The following ANKMY1 variants were observed in gnomAD, a reference collection of about 807,000 sequenced individuals.
ANKMY1 encodes the protein ankyrin repeat and MYND domain-containing protein 1.
A neutral mutation model predicts 102.0 loss-of-function variants in ANKMY1; 98 were observed. The observed-to-expected ratio is 0.96, with a 90% CI of 0.82 to 1.14. The LOEUF is 1.14. ANKMY1 is among the 50% of genes most tolerant of loss of function. The probability of loss-of-function intolerance (pLI) is 0.00; values close to 1 mark genes in which losing one functional copy is unlikely to be tolerated. For missense variants in ANKMY1, 1,330 were observed against 1,347.6 expected (o/e 0.99, Z 0.20); for synonymous variants, 582 against 559.9 (o/e 1.04, Z -0.56).
intron 15 of ANKMY1, among the ~76,000 whole-genome samples, chr2:240,489,986 T>C: frequency 6.6e-6 from 1 of 152,186 alleles, no homozygotes; most frequent in African/African-American, 2.4e-5. Flanking sequence ...CCATTCAATC[T>C]TGGTAGACTC....
upstream of ANKMY1, among the ~76,000 whole-genome samples, chr2:240,559,306 G>C (rs1435251440): frequency 2.6e-5 from 4 of 152,204 alleles, no homozygotes; most frequent in Non-Finnish European, 5.9e-5. Context: ...AGGAGGAGGA[G>C]GGACTTCAGG....
chr2:240,522,130 A>C (rs2082425224), intron 8 of ANKMY1: 1 of 143,556 alleles, frequency 7.0e-6, no homozygotes, highest in African/African-American at 2.5e-5. Flanking sequence ...ATTTTACAGA[A>C]CGCTGATTGG....
chr2:240,536,806 T>C (rs946358539), intron 4 of ANKMY1, among the ~76,000 whole-genome samples: 4 of 152,258 alleles, frequency 2.6e-5, no homozygotes, highest in African/African-American at 7.2e-5. Context: ...ATAATATTTA[T>C]TGAATGCAGC....
At chr2:240,545,922 T>C (rs998224138) in intron 4 of ANKMY1, among the ~76,000 whole-genome samples, 6 of 152,182 alleles carry the variant, frequency 3.9e-5, no homozygotes, top group African/African-American at 7.2e-5. Context: ...TGGAACCAAA[T>C]TGGAAAACAC....
At chr2:240,481,754 G>A (rs1469289179) in intron 16 of ANKMY1, among the ~76,000 whole-genome samples, 2 of 152,206 alleles carry the variant, frequency 1.3e-5, no homozygotes, top group Non-Finnish European at 2.9e-5. Flanking sequence ...GTGGTGGAGG[G>A]AGGGGCTAGG....
At chr2:240,549,669 G>GA (rs2091149147) in intron 4 of ANKMY1, among the ~76,000 whole-genome samples, 2 of 151,974 alleles carry the variant, frequency 1.3e-5, no homozygotes, top group Non-Finnish European at 1.5e-5. Context: ...AAATTTACAA[G>GA]AAAAAAACAA....
chr2:240,516,839 C>G (rs1038094859), intron 9 of ANKMY1, among the ~76,000 whole-genome samples: 14 of 152,202 alleles, frequency 9.2e-5, no homozygotes, highest in African/African-American at 3.4e-4. Context: ...CAGTGTGAAG[C>G]AAAGCAGGAG....
In ANKMY1 at chr2:240,496,944, A is replaced by G. The variant is rs1181218323; in HGVS notation, c.2806+3014T>C. On this transcript the variant is annotated intron_variant, in intron 15 of 17. Coordinates refer to ENST00000401804, the MANE Select transcript of ANKMY1 (RefSeq NM_001282771.3). ...TTTTTCTCTGGCATAATTTATAGTT[A>G]ATACAAACCATGGTATATAATTGCT... 2.0e-5 allele frequency among the ~76,000 whole-genome samples: 3 copies of G among 152,240 alleles called. No individual in the cohort carries two copies. The East Asian group carries it at 5.8e-4, about 29-fold the overall frequency.
rs1433491254 is a variant in ANKMY1 at position 240,529,075 on chromosome 2, A to T, written c.915T>A (p.Pro305=). Residue 305 remains proline (P), a synonymous_variant, in exon 5 of 18, where the codon CCT becomes CCA. Transcript: ENST00000401804. The surrounding 1 kb of genome is among the most constrained non-coding windows in gnomAD (Gnocchi z 4.2). ...GEPWFIINET[P]LLVKIQKQTY... ...TTTGCTTCTGGATTTTGACCAACAA[A>T]GGGGTCTCATTGATTATGAACCATG... 3 of 1,614,186 alleles carry T rather than the reference A, an allele frequency of 1.9e-6. No individual in the cohort carries two copies. In the South Asian group the frequency reaches 3.3e-5, roughly 18 times the overall value.
At chr2:240,492,669 T>C (rs2076784280) in intron 15 of ANKMY1, among the ~76,000 whole-genome samples, 1 of 152,210 alleles carries the variant, frequency 6.6e-6, no homozygotes, top group Non-Finnish European at 1.5e-5. Flanking sequence ...CTATTTCAGG[T>C]CCTTTTAAAA....
At position 240,500,082 on chromosome 2, in the gene ANKMY1, T is replaced by C; in HGVS notation, c.2682A>G (p.Pro894=). 1 of 1,610,774 alleles carries C rather than the reference T, an allele frequency of 6.2e-7. No individual in the cohort carries two copies. Residue 894 remains proline (P), a synonymous_variant, in exon 15 of 18, where the codon CCA becomes CCG. Transcript: ENST00000401804. ...IARCPFHTLM[P]AERETFLARK... ...GCGCCAGGAACGTCTCGCGCTCTGC[T>C]GGCATCAGCGTGTGGAAGGGGCAGC... is the stretch of plus-strand genomic sequence containing the variant.
chr2:240,519,105 A>G (rs778796015), intron 9 of ANKMY1, among the ~76,000 whole-genome samples: 14 of 152,248 alleles, frequency 9.2e-5, no homozygotes, highest in Non-Finnish European at 1.5e-4. Context: ...TTCACAGCCA[A>G]GTGGACAGAA....
intron 6 of ANKMY1, 39 bp downstream of exon 6, chr2:240,526,190 A>G (rs1166492513): frequency 1.6e-5 from 25 of 1,611,366 alleles, no homozygotes; most frequent in Non-Finnish European, 2.1e-5. Context: ...CTCACAGCTA[A>G]GCTCCTGCGG....
At chr2:240,551,626 T>C (rs1425084811) in intron 4 of ANKMY1, among the ~76,000 whole-genome samples, 1 of 152,162 alleles carries the variant, frequency 6.6e-6, no homozygotes, top group Non-Finnish European at 1.5e-5. Context: ...TGGAAAGAGA[T>C]TGTCTTTTAG....
chr2:240,507,531 C>T, intron 13 of ANKMY1, 29 bp downstream of exon 13: 1 of 1,586,602 alleles, frequency 6.3e-7, no homozygotes, highest in Non-Finnish European at 8.6e-7. Context: ...ACCCCCTCAC[C>T]AGGGCCACCC....
chr2:240,528,338 G>T (rs2084392218), intron 5 of ANKMY1, among the ~76,000 whole-genome samples: 1 of 137,418 alleles, frequency 7.3e-6, no homozygotes, highest in Non-Finnish European at 1.5e-5. Context: ...GGTAGTGGCT[G>T]ACTTTTCTGG....
intron 4 of ANKMY1, among the ~76,000 whole-genome samples, chr2:240,531,310 G>A (rs1559343876): frequency 2.0e-5 from 3 of 152,166 alleles, no homozygotes; most frequent in South Asian, 2.1e-4. Context: ...CGGCACAGTC[G>A]CTTTGAATGA....
intron 11 of ANKMY1, among the ~76,000 whole-genome samples, chr2:240,510,128 G>C: frequency 1.3e-5 from 1 of 77,334 alleles, no homozygotes; most frequent in African/African-American, 5.3e-5. Flanking sequence ...TCCCATCCTT[G>C]CCCTCCCTGC....
chr2:240,560,709 C>T (rs1183485902), upstream of ANKMY1: 2 of 1,528,116 alleles, frequency 1.3e-6, no homozygotes, highest in Non-Finnish European at 1.7e-6. Context: ...AGCTGGGCGC[C>T]GCGGGGCCGC....
Sources: allele counts gnomAD v4.1 joint callset (sites outside exome capture counted in the v4.1 genomes callset), GRCh38; gene constraint gnomAD v4.1.1; non-coding constraint Gnocchi (gnomAD v3.1); transcripts MANE v1.5; gene names NCBI Gene and HGNC (gene_info 2026-07-23, HGNC 2026-07-21).